The following HDAC2 variants were observed in gnomAD, a reference collection of about 807,000 sequenced individuals.
HDAC2 encodes histone deacetylase 2, also known as YY1-associated factor 1.
In HDAC2, 5 loss-of-function variants were observed where a neutral mutation model predicts 68.5. The ratio of observed to expected loss-of-function variants is 0.07; its 90% CI spans 0.04 to 0.15. The LOEUF (loss-of-function observed/expected upper bound fraction) is 0.15. Ranked by LOEUF, HDAC2 falls within the 10% of genes least tolerant of loss-of-function variation. The pLI is 1.00. For synonymous variants in HDAC2, 182 were observed against 191.3 expected, an observed-to-expected ratio of 0.95 and a Z score of 0.40; for missense variants, 291 against 600.8, an observed-to-expected ratio of 0.48 and a Z score of 5.39.
chr6:113,966,578 G>A (rs1455269729), intron 1 of HDAC2, among the ~76,000 whole-genome samples: 3 of 147,716 alleles, frequency 2.0e-5, no homozygotes, highest in African/African-American at 7.5e-5. Flanking sequence ...AAAAGTATAA[G>A]GAATTAATAA....
chr6:113,942,077 G>C (rs1776148300), intron 12 of HDAC2, among the ~76,000 whole-genome samples: 1 of 151,922 alleles, frequency 6.6e-6, no homozygotes, highest in South Asian at 2.1e-4. Flanking sequence ...ACAACTGCAA[G>C]GCCCTATCGA....
At chr6:113,941,346 G>C (rs540796767) in intron 13 of HDAC2, among the ~76,000 whole-genome samples, 1 of 151,936 alleles carries the variant, frequency 6.6e-6, no homozygotes, top group African/African-American at 2.4e-5. Context: ...ATCCTCAACT[G>C]TTTTTACTTA....
intron 5 of HDAC2, among the ~76,000 whole-genome samples, chr6:113,955,349 G>A (rs1018335142): frequency 2.6e-5 from 4 of 152,052 alleles, no homozygotes; most frequent in Non-Finnish European, 5.9e-5. Flanking sequence ...GAGTAGCTGG[G>A]ATTACAGGCG....
chr6:113,944,242 C>T (rs774936510), intron 11 of HDAC2, 38 bp downstream of exon 11: 16 of 1,564,912 alleles, frequency 1.0e-5, no homozygotes, highest in Non-Finnish European at 1.1e-5. Flanking sequence ...TTTCAATTAT[C>T]ATTTTGACAA....
intron 10 of HDAC2, among the ~76,000 whole-genome samples, chr6:113,945,127 T>C (rs1427477373): frequency 3.3e-5 from 5 of 151,714 alleles, no homozygotes; most frequent in Admixed American, 1.3e-4. Context: ...ACAGGATCAC[T>C]TGAAGCCAGG....
intron 1 of HDAC2, chr6:113,970,534 G>A: frequency 1.6e-6 from 1 of 608,458 alleles, no homozygotes; most frequent in Non-Finnish European, 2.0e-6. Context: ...CGCCCCCTTC[G>A]CCGCCGCCAC....
chr6:113,943,312 T>C (rs1273210867), intron 12 of HDAC2, 39 bp downstream of exon 12: 6 of 1,543,488 alleles, frequency 3.9e-6, no homozygotes, highest in Non-Finnish European at 4.4e-6. Flanking sequence ...ATTTTTAAAA[T>C]TTACAATTAA....
rs1776016600 is a variant in HDAC2 at position 113,937,012 on chromosome 6, G to C, written c.*4046C>G. ...TTCAAAAAAAAAAGAAAAAAAAATA[G>C]CAGCTAACCCTTACTGAGCATTAAC... On this transcript the variant is annotated 3_prime_UTR_variant, in exon 14 of 14. Coordinates refer to ENST00000519065, the MANE Select transcript of HDAC2 (RefSeq NM_001527.4). 6.6e-6 allele frequency: 1 copy of C among 151,710 alleles called. No homozygotes were observed. Among genetic ancestry groups the C allele is most frequent in the Non-Finnish European group, 1.5e-5 (1 of 67,932 alleles). 9.4% of individuals were successfully genotyped at this position (151,710 alleles called of 1,614,324 possible).
At chr6:113,959,540 T>C (rs1776630611) in intron 2 of HDAC2, 1 of 153,982 alleles carries the variant, frequency 6.5e-6, no homozygotes, top group South Asian at 2.0e-4. Context: ...TGTTATTATT[T>C]TGTAACAGTC....
chr6:113,968,555 T>C (rs1776883833), intron 1 of HDAC2: 2 of 152,198 alleles, frequency 1.3e-5, no homozygotes, highest in Middle Eastern at 3.4e-3. Flanking sequence ...CCACAAAAAT[T>C]AAAAGAGTAT....
rs546728694 is a variant in HDAC2, at chr6:113,934,392, C to G, written c.*6666G>C. 6.6e-6 allele frequency: 1 copy of G among 152,170 alleles called. No homozygotes were observed. The highest frequency in any genetic ancestry group is 2.4e-5 in the African/African-American group (1 of 41,512). The allele number at this position is 152,170 out of a possible 1,614,324, so 9.4% of individuals were successfully genotyped here. On this transcript the variant is annotated 3_prime_UTR_variant, in exon 14 of 14. Coordinates refer to ENST00000519065, the MANE Select transcript of HDAC2 (RefSeq NM_001527.4). ...AAGCACAGAAATTTAAATGACTTGC[C>G]CAAAGCAAAGTTGTGTAATGTAAAG...
rs181903255 is a variant in HDAC2 at position 113,967,270 on chromosome 6, T to C, written c.52+3587A>G. On this transcript the variant is annotated intron_variant, in intron 1 of 13. Coordinates refer to ENST00000519065, the MANE Select transcript of HDAC2 (RefSeq NM_001527.4). ...CAGCCTCCCGAGTAACTGGGACTAC[T>C]GGTGCCTGCCACCACGCCTGGCTAA... 2.2e-3 allele frequency among the ~76,000 whole-genome samples: 330 copies of C among 152,178 alleles called. 2 individuals carry two copies. Among genetic ancestry groups the C allele is most frequent in the African/African-American group, 7.7e-3 (321 of 41,534 alleles).
At chr6:113,953,196 G>T in intron 6 of HDAC2, 81 bp downstream of exon 6, 1 of 983,612 alleles carries the variant, frequency 1.0e-6, no homozygotes, top group African/African-American at 1.6e-5. Context: ...TAACTCAGGA[G>T]AAAAATACTA....
At chr6:113,963,992 T>C (rs964358682) in intron 1 of HDAC2, among the ~76,000 whole-genome samples, 12 of 152,186 alleles carry the variant, frequency 7.9e-5, no homozygotes, top group Admixed American at 7.2e-4. Flanking sequence ...AGAGATAATA[T>C]GGTACACCTG....
chr6:113,957,212 C>T (rs1293313408), intron 3 of HDAC2: 1 of 154,096 alleles, frequency 6.5e-6, no homozygotes, highest in Non-Finnish European at 1.4e-5. Flanking sequence ...TAAGAATTAA[C>T]TAGGTTCATG....
At chr6:113,943,577 AC>A in intron 11 of HDAC2, 71 bp from the exon 12 acceptor site, 5 of 1,174,278 alleles carry the variant, frequency 4.3e-6, no homozygotes, top group Non-Finnish European at 5.9e-6. Context: ...GCATACTCAT[AC>A]AAATGCACTA....
chr6:113,944,298 G>A lies in HDAC2; in HGVS notation c.1204C>T (p.Pro402Ser). ...EDSGDEDGED[P>S]DKRISIRASD... is the part of the protein sequence containing the mutation. ...ATCTTACTAGAAATTCTCTTGTCTG[G>A]ATCTTCTCCATCTTCATCTCCACTG... The change falls in exon 11 of 14, where the codon CCA becomes TCA. Residue 402 changes from proline to serine, a missense_variant. Around this residue, in one of 2 missense-constraint regions of HDAC2, gnomAD observed 137 missense variants for 128.7 expected, o/e 1.06. Transcript: ENST00000519065. 1 of 1,611,994 alleles carries A rather than the reference G, an allele frequency of 6.2e-7. No individual in the cohort carries two copies. Among genetic ancestry groups the A allele is most frequent in the South Asian group, 1.1e-5 (1 of 91,010 alleles).
intron 11 of HDAC2, 139 bp downstream of exon 11, chr6:113,944,140 TA>T: frequency 2.7e-6 from 2 of 731,014 alleles, no homozygotes; most frequent in Admixed American, 2.7e-5. Flanking sequence ...ATCAGGAAGC[TA>T]AATCTCTGAA....
chr6:113,935,120 G>GTGCC lies in HDAC2; in HGVS notation c.*5934_*5937dup, dbSNP rs947267994. On this transcript the variant is annotated 3_prime_UTR_variant, in exon 14 of 14. Transcript: ENST00000519065. ...TTATCTACCACAGGGCCACACAACA[G>GTGCC]TGCCCTCTTAAGCCCCTTAATTTCA... is the stretch of plus-strand genomic sequence containing the variant. 3 of 152,172 alleles carry GTGCC rather than the reference G, an allele frequency of 2.0e-5. No homozygotes were observed. Among genetic ancestry groups the GTGCC allele is most frequent in the African/African-American group, 7.2e-5 (3 of 41,418 alleles). The allele number at this position is 152,172 out of a possible 1,614,324, so 9.4% of individuals were successfully genotyped here. A position where few individuals can be genotyped will look rare whatever the true frequency, so the allele number is the denominator to read the frequency against.
Sources: allele counts gnomAD v4.1 joint callset (sites outside exome capture counted in the v4.1 genomes callset), GRCh38; gene constraint gnomAD v4.1.1; regional missense constraint gnomAD v4.1.1; transcripts MANE v1.5; gene names NCBI Gene and HGNC (gene_info 2026-07-23, HGNC 2026-07-21).